Variants in PCBP3 observed in about 807,000 individuals in gnomAD.
The protein encoded by PCBP3 is poly(rC)-binding protein 3.
A neutral mutation model predicts 52.7 loss-of-function variants in PCBP3; 25 were observed. That is an observed-to-expected ratio of 0.47 (90% CI 0.35 to 0.66). PCBP3 has a LOEUF of 0.66. Ranked by LOEUF, PCBP3 falls within the 30% of genes least tolerant of loss-of-function variation. The pLI is 0.01. For synonymous variants in PCBP3, 162 were observed against 183.0 expected, an observed-to-expected ratio of 0.89 and a Z score of 0.93; for missense variants, 391 against 490.3, an observed-to-expected ratio of 0.80 and a Z score of 1.91.
At position 45,802,437 on chromosome 21, in the gene PCBP3, T is replaced by C. The variant is rs1222870095; in HGVS notation, c.-126+46985T>C. The stretch of plus-strand genomic sequence containing the variant: ...ATTAAAAACAATTGTACTTACTGAG[T>C]GCCTACGTTGTCCTGTGCCCGGGCT... On this transcript the variant is annotated intron_variant, in intron 4 of 17. Coordinates refer to ENST00000681687, the MANE Select transcript of PCBP3 (RefSeq NM_001384156.1). This position sits in a 1 kb window ranked among gnomAD's most constrained non-coding sequence, Gnocchi z 5.1. Among the ~76,000 whole-genome samples, 1 of 152,126 alleles carries C rather than the reference T, an allele frequency of 6.6e-6. No individual in the cohort carries two copies. The highest frequency in any genetic ancestry group is 1.9e-4 in the East Asian group (1 of 5,186).
intron 4 of PCBP3, among the ~76,000 whole-genome samples, chr21:45,759,246 T>C (rs896027789): frequency 6.6e-6 from 1 of 152,230 alleles, no homozygotes; most frequent in Non-Finnish European, 1.5e-5. Flanking sequence ...GTTTTATCTT[T>C]CTTAAATTGT....
intron 2 of PCBP3, among the ~76,000 whole-genome samples, chr21:45,732,351 AAAAGGTT>A (rs2085517136): frequency 1.3e-5 from 2 of 152,104 alleles, no homozygotes; most frequent in Non-Finnish European, 2.9e-5. Context: ...ACAGATAATA[AAAAGGTT>A]CCTGTAGTGA....
chr21:45,789,003 C>T (rs957032843), intron 4 of PCBP3, among the ~76,000 whole-genome samples: 3 of 152,238 alleles, frequency 2.0e-5, no homozygotes, highest in Non-Finnish European at 4.4e-5. Flanking sequence ...TAACCAAATA[C>T]ATGCTCTGTG....
chr21:45,899,699 T>G lies in PCBP3; in HGVS notation c.189+77T>G. 6 of 1,112,806 alleles carry G rather than the reference T, an allele frequency of 5.4e-6. No individual in the cohort carries two copies. The South Asian group carries it at 6.4e-5, about 12-fold the overall frequency. The allele number at this position is 1,112,806 out of a possible 1,614,324, so 68.9% of individuals were successfully genotyped here. A position where few individuals can be genotyped will look rare whatever the true frequency, so the allele number is the denominator to read the frequency against. ...TGAGGATGGCAGCCTCCCTGGGTAC[T>G]AGGTGGCACCCAGTAGGTGCGCCTT... On this transcript the variant is annotated intron_variant, in intron 7 of 17. Coordinates refer to ENST00000681687, the MANE Select transcript of PCBP3 (RefSeq NM_001384156.1).
At chr21:45,668,572 TGGGGGTGGGGGGATG>T (rs2080957636) in intron 1 of PCBP3, among the ~76,000 whole-genome samples, 1 of 131,940 alleles carries the variant, frequency 7.6e-6, no homozygotes, top group Non-Finnish European at 1.6e-5. Context: ...GGGGTAGGGT[TGGGGGTGGGGGGATG>T]GGAATAGGGC....
intron 1 of PCBP3, among the ~76,000 whole-genome samples, chr21:45,662,360 A>G (rs1052873711): frequency 4.3e-5 from 6 of 140,592 alleles, no homozygotes; most frequent in Admixed American, 7.7e-5. Context: ...GGCTCAAGCA[A>G]TCTGCCTGCC....
At position 45,837,293 on chromosome 21, in the gene PCBP3, G is replaced by T. The variant is rs953477804; in HGVS notation, c.-125-12668G>T. Among the ~76,000 whole-genome samples, 1 of 152,172 alleles carries T rather than the reference G, an allele frequency of 6.6e-6. No individual in the cohort carries two copies. Among genetic ancestry groups the T allele is most frequent in the Non-Finnish European group, 1.5e-5 (1 of 68,038 alleles). On this transcript the variant is annotated intron_variant, in intron 4 of 17. Coordinates refer to ENST00000681687, the MANE Select transcript of PCBP3 (RefSeq NM_001384156.1). This position sits in a 1 kb window ranked among gnomAD's most constrained non-coding sequence, Gnocchi z 4.1. ...GTGCTGTGACTTTGATGCACCTCCCGCCAGGGAGGGGATCGTGACCCTCCC... is the reference window on the plus strand; with the variant it reads ...GTGCTGTGACTTTGATGCACCTCCCTCCAGGGAGGGGATCGTGACCCTCCC...
chr21:45,818,623 T>A (rs12482853), intron 4 of PCBP3, among the ~76,000 whole-genome samples: 27,920 of 152,232 alleles, frequency 0.18, 2,718 homozygotes, highest in Middle Eastern at 0.33. Context: ...CAAACTAAAA[T>A]CTCTCTAACC....
chr21:45,899,649 TCC>T (rs1569470171), intron 7 of PCBP3, 27 bp downstream of exon 7: 11 of 1,581,788 alleles, frequency 7.0e-6, no homozygotes, highest in Non-Finnish European at 9.6e-6. Context: ...TCTCTGCCTC[TCC>T]TGGGGTCTCT....
chr21:45,768,271 C>G (rs776214615), intron 4 of PCBP3, among the ~76,000 whole-genome samples: 4 of 152,240 alleles, frequency 2.6e-5, no homozygotes, highest in Non-Finnish European at 5.9e-5. Flanking sequence ...GCCACCCTCA[C>G]GTTTCTCAGC....
rs1179313327 is a variant in PCBP3 at position 45,697,116 on chromosome 21, C to T, written c.-200+28164C>T. Among the ~76,000 whole-genome samples, 12 of 152,228 alleles carry T rather than the reference C, an allele frequency of 7.9e-5. No individual in the cohort carries two copies. In the East Asian group the frequency reaches 2.3e-3, roughly 29 times the overall value. On this transcript the variant is annotated intron_variant, in intron 2 of 17. Transcript: ENST00000681687. ...AAATAAACCTACACCAACCATATGA[C>T]ACACTAGTCTTCCTTCTGGATATAT...
intron 5 of PCBP3, chr21:45,871,787 A>T (rs942009808): frequency 6.6e-6 from 1 of 152,266 alleles, no homozygotes; most frequent in African/African-American, 2.4e-5. Context: ...CTCTCTCCTC[A>T]GAGCCCCAGT....
At chr21:45,793,721 T>C (rs1306265142) in intron 4 of PCBP3, among the ~76,000 whole-genome samples, 3 of 152,300 alleles carry the variant, frequency 2.0e-5, no homozygotes, top group South Asian at 2.1e-4. Context: ...TGGCTGGTGA[T>C]TGGCATCAGA....
At chr21:45,685,915 CTTTTTTTTT>C (rs1168054154) in intron 2 of PCBP3, among the ~76,000 whole-genome samples, 1 of 125,458 alleles carries the variant, frequency 8.0e-6, no homozygotes, top group African/African-American at 3.0e-5. Context: ...GTAAGATGAA[CTTTTTTTTT>C]TTTTTTTTTT....
At position 45,917,311 on chromosome 21, in the gene PCBP3, A is replaced by T; in HGVS notation, c.676-277A>T. 2.6e-6 allele frequency: 1 copy of T among 379,572 alleles called. No homozygotes were observed. The highest frequency in any genetic ancestry group is 5.1e-5 in the South Asian group (1 of 19,728). The allele number at this position is 379,572 out of a possible 1,614,324, so 23.5% of individuals were successfully genotyped here. On this transcript the variant is annotated intron_variant, in intron 12 of 17. Transcript: ENST00000681687. The surrounding 1 kb of genome is among the most constrained non-coding windows in gnomAD (Gnocchi z 5.3). ...CACTCTTCGATTCTTTTGCTTTAAGAAACTTGGAGTCGGAAGCATCAAGGC... is the reference window on the plus strand; with the variant it reads ...CACTCTTCGATTCTTTTGCTTTAAGTAACTTGGAGTCGGAAGCATCAAGGC...
Position 45,664,924 on chromosome 21 carries a change from G to A in PCBP3, c.-278-3950G>A, listed in dbSNP as rs1052820383. Among the ~76,000 whole-genome samples the A allele has an allele frequency of 3.3e-5, 5 of 151,830 alleles. No homozygotes were observed. In the South Asian group the frequency reaches 6.2e-4, roughly 19 times the overall value. ...AGAATGATGATTTCCAATTTCATCC[G>A]TGATGTTTTTCATATGGTTGTGTCA... is the stretch of plus-strand genomic sequence containing the variant. On this transcript the variant is annotated intron_variant, in intron 1 of 17. Transcript: ENST00000681687.
At chr21:45,734,916 C>T (rs557635243) in intron 2 of PCBP3, among the ~76,000 whole-genome samples, 36 of 152,346 alleles carry the variant, frequency 2.4e-4, no homozygotes, top group Admixed American at 1.2e-3. Flanking sequence ...AGTCTCTGCG[C>T]GGTGTTCACC....
intron 4 of PCBP3, among the ~76,000 whole-genome samples, chr21:45,757,974 CCTCCAGGGCTCAGCTGATT>C (rs775863684): frequency 7.2e-5 from 11 of 152,012 alleles, no homozygotes; most frequent in Admixed American, 3.9e-4. Flanking sequence ...GCAACCTCCA[CCTCCAGGGCTCAGCTGATT>C]CTTGTGCCTC....
chr21:45,879,402 C>T (rs966000650), intron 5 of PCBP3, among the ~76,000 whole-genome samples: 1 of 152,170 alleles, frequency 6.6e-6, no homozygotes, highest in African/African-American at 2.4e-5. Context: ...ACAGCGTCAG[C>T]AAACACGAGG....
Sources: allele counts gnomAD v4.1 joint callset (sites outside exome capture counted in the v4.1 genomes callset), GRCh38; gene constraint gnomAD v4.1.1; non-coding constraint Gnocchi (gnomAD v3.1); transcripts MANE v1.5; gene names NCBI Gene and HGNC (gene_info 2026-07-23, HGNC 2026-07-21).